Variants in CADM2 observed in about 807,000 individuals in gnomAD.
CADM2 encodes cell adhesion molecule 2, also known as immunoglobulin superfamily member 4D.
In CADM2, 12 loss-of-function variants were observed where a neutral mutation model predicts 49.8. That is an observed-to-expected ratio of 0.24 (90% confidence interval 0.15 to 0.39). CADM2 has a LOEUF of 0.39. Ranked by LOEUF, CADM2 falls within the 10% of genes least tolerant of loss-of-function variation. The pLI is 1.00. For missense variants in CADM2, 378 were observed against 492.3 expected (o/e 0.77, Z 2.20); for synonymous variants, 214 against 175.4 (o/e 1.22, Z -1.74).
chr3:85,786,032 G>T (rs928645245), intron 2 of CADM2, among the ~76,000 whole-genome samples: 2 of 152,096 alleles, frequency 1.3e-5, no homozygotes, highest in East Asian at 3.9e-4. Context: ...TCAATGATTC[G>T]TTATTAGCCC....
At chr3:85,989,508 A>T (rs1231813410) in intron 8 of CADM2, among the ~76,000 whole-genome samples, 1 of 152,136 alleles carries the variant, frequency 6.6e-6, no homozygotes, top group African/African-American at 2.4e-5. Flanking sequence ...TCATCTGAAA[A>T]TCAAGGTCAT....
intron 1 of CADM2, among the ~76,000 whole-genome samples, chr3:85,201,513 T>G (rs2041499359): frequency 6.6e-6 from 1 of 152,152 alleles, no homozygotes; most frequent in Admixed American, 6.5e-5. Context: ...GCTGTGACAA[T>G]TTCTTAAAAT....
At chr3:85,944,712 T>A (rs1722415568) in intron 7 of CADM2, among the ~76,000 whole-genome samples, 1 of 152,018 alleles carries the variant, frequency 6.6e-6, no homozygotes, top group Admixed American at 6.6e-5. Context: ...GAAATAAAGA[T>A]GTTCTTTGAA....
At position 85,959,146 on chromosome 3, in the gene CADM2, A is replaced by ATCTCTCTCTCTC. The variant is rs1157977118; in HGVS notation, c.792-2320_792-2319insCTCTCTCTCTCT. Among the ~76,000 whole-genome samples the ATCTCTCTCTCTC allele has an allele frequency of 2.4e-3, 176 of 71,972 alleles. 1 individual carries two copies. The highest frequency in any genetic ancestry group is 0.012 in the African/African-American group (165 of 13,820). 47.2% of individuals were successfully genotyped at this position (71,972 alleles called of 152,430 possible). On this transcript the variant is annotated intron_variant, in intron 7 of 9. Coordinates refer to ENST00000383699, the MANE Select transcript of CADM2 (RefSeq NM_001167675.2). ...GCTATATAGCTGTATATCTTTATCTATCTATCTCTCTCTCTCTCTCTCTCT... is the reference window on the plus strand; with the variant it reads ...GCTATATAGCTGTATATCTTTATCTATCTCTCTCTCTCTCTATCTCTCTCTCTCTCTCTCTCT...
At chr3:85,732,217 C>T (rs1469243183) in intron 2 of CADM2, among the ~76,000 whole-genome samples, 4 of 151,300 alleles carry the variant, frequency 2.6e-5, no homozygotes, top group Non-Finnish European at 5.9e-5. Flanking sequence ...ACCGAAATCA[C>T]ACCATTGCAC....
chr3:85,301,871 C>T (rs531846012), intron 1 of CADM2, among the ~76,000 whole-genome samples: 1 of 152,140 alleles, frequency 6.6e-6, no homozygotes, highest in South Asian at 2.1e-4. Context: ...ATTAGAGTAA[C>T]ATTTCTGATT....
rs2107444209 is a variant in CADM2 at position 86,066,915 on chromosome 3, C to T, written c.*132C>T. 1 of 669,410 alleles carries T rather than the reference C, an allele frequency of 1.5e-6. No individual in the cohort carries two copies. Among genetic ancestry groups the T allele is most frequent in the Non-Finnish European group, 2.7e-6 (1 of 373,400 alleles). 41.5% of individuals were successfully genotyped at this position (669,410 alleles called of 1,614,324 possible). A position where few individuals can be genotyped will look rare whatever the true frequency, so the allele number is the denominator to read the frequency against. On this transcript the variant is annotated 3_prime_UTR_variant, in exon 10 of 10. Coordinates refer to ENST00000383699, the MANE Select transcript of CADM2 (RefSeq NM_001167675.2). ...CCCATACTGTACTGCTATCAGTAGC[C>T]AGTGTATACCAACAATCAGCTGTTG...
At chr3:85,401,379 AG>A (rs997857321) in intron 1 of CADM2, among the ~76,000 whole-genome samples, 1 of 152,182 alleles carries the variant, frequency 6.6e-6, no homozygotes, top group Non-Finnish European at 1.5e-5. Context: ...AAAGGTGGCA[AG>A]TTTAGGCAAC....
intron 1 of CADM2, among the ~76,000 whole-genome samples, chr3:85,233,876 A>T: frequency 6.6e-6 from 1 of 152,088 alleles, no homozygotes; most frequent in East Asian, 1.9e-4. Flanking sequence ...TTCATAGTAA[A>T]AATCTTTATC....
intron 1 of CADM2, among the ~76,000 whole-genome samples, chr3:85,514,628 A>G (rs527760474): frequency 7.2e-5 from 11 of 152,240 alleles, no homozygotes; most frequent in Admixed American, 7.2e-4. Flanking sequence ...AGTGTTAACA[A>G]TCCAATGATA....
chr3:85,087,566 G>C (rs2037428206), intron 1 of CADM2, among the ~76,000 whole-genome samples: 1 of 152,094 alleles, frequency 6.6e-6, no homozygotes, highest in African/African-American at 2.4e-5. Flanking sequence ...CTACAAAGAA[G>C]GCTTTTAAGA....
intron 2 of CADM2, among the ~76,000 whole-genome samples, chr3:85,796,685 T>A (rs1199670973): frequency 2.0e-5 from 3 of 152,194 alleles, no homozygotes; most frequent in Non-Finnish European, 4.4e-5. Flanking sequence ...CTTCTGTCTC[T>A]TATGGTGCCA....
In CADM2 at chr3:85,277,482, C is replaced by T. The variant is rs530452264; in HGVS notation, c.61+317814C>T. ...AGATCCATGTTTCTAATCATAACTT[C>T]TCACTCAAGTCTAAATTTTGCATGA... is the stretch of plus-strand genomic sequence containing the variant. On this transcript the variant is annotated intron_variant, in intron 1 of 9. Coordinates refer to ENST00000383699, the MANE Select transcript of CADM2 (RefSeq NM_001167675.2). Among the ~76,000 whole-genome samples, 166 of 151,504 alleles carry T rather than the reference C, an allele frequency of 1.1e-3. 4 individuals carry two copies. The South Asian group carries it at 0.017, about 16-fold the overall frequency.
At chr3:85,902,985 A>C (rs1316934120) in intron 5 of CADM2, among the ~76,000 whole-genome samples, 2 of 151,990 alleles carry the variant, frequency 1.3e-5, no homozygotes, top group Non-Finnish European at 2.9e-5. Flanking sequence ...CAAGTACCTA[A>C]AATTTGTTAC....
chr3:85,370,107 G>A (rs1348566658), intron 1 of CADM2, among the ~76,000 whole-genome samples: 4 of 151,536 alleles, frequency 2.6e-5, no homozygotes, highest in Non-Finnish European at 5.9e-5. Context: ...CAACTACTCA[G>A]GAGGCTGAGG....
At chr3:85,365,966 T>A (rs1034428282) in intron 1 of CADM2, among the ~76,000 whole-genome samples, 2 of 152,156 alleles carry the variant, frequency 1.3e-5, no homozygotes, top group Non-Finnish European at 2.9e-5. Context: ...TGTCTGATTG[T>A]CATTTAGTAA....
chr3:85,120,455 A>G (rs1016788997), intron 1 of CADM2, among the ~76,000 whole-genome samples: 1 of 152,244 alleles, frequency 6.6e-6, no homozygotes, highest in African/African-American at 2.4e-5. Flanking sequence ...GACTGGATAA[A>G]GAAAATGTGG....
chr3:85,174,112 C>T (rs2040711074), intron 1 of CADM2, among the ~76,000 whole-genome samples: 1 of 152,144 alleles, frequency 6.6e-6, no homozygotes, highest in Non-Finnish European at 1.5e-5. Context: ...CGCACCCCAT[C>T]TCATTGTTGG....
chr3:85,601,130 GTATATATATATATATATA>G lies in CADM2; in HGVS notation c.62-125365_62-125348del, dbSNP rs375011644. Among the ~76,000 whole-genome samples, 67 of 109,630 alleles carry G rather than the reference GTATATATATATATATATA, an allele frequency of 6.1e-4. 1 individual carries two copies. The highest frequency in any genetic ancestry group is 1.1e-3 in the South Asian group (4 of 3,482). 71.9% of individuals were successfully genotyped at this position (109,630 alleles called of 152,430 possible). ...ATATACTGTGCATTTATATATGTGT[GTATATATATATATATATA>G]TATATATATATATATATATATATAT... On this transcript the variant is annotated intron_variant, in intron 1 of 9. Coordinates refer to ENST00000383699, the MANE Select transcript of CADM2 (RefSeq NM_001167675.2).
Sources: allele counts gnomAD v4.1 joint callset (sites outside exome capture counted in the v4.1 genomes callset), GRCh38; gene constraint gnomAD v4.1.1; transcripts MANE v1.5; gene names NCBI Gene and HGNC (gene_info 2026-07-23, HGNC 2026-07-21).